The following CAMKV variants were observed in gnomAD, a reference collection of about 807,000 sequenced individuals.
CAMKV encodes the protein caM kinase-like vesicle-associated protein.
Under a neutral mutation model 50.2 loss-of-function variants are expected in CAMKV, and 5 were observed. The observed-to-expected ratio is 0.10, with a 90% CI of 0.05 to 0.21. CAMKV has a LOEUF of 0.21. Ranked by LOEUF, CAMKV falls within the 10% of genes least tolerant of loss-of-function variation. The pLI is 1.00. For synonymous variants in CAMKV, 229 were observed against 250.1 expected (o/e 0.92, Z 0.80); for missense variants, 361 against 650.5 (o/e 0.55, Z 4.84).
In CAMKV at chr3:49,860,167, T is replaced by C. The variant is rs1489779453; in HGVS notation, c.942+4A>G. The C allele has an allele frequency of 6.2e-7, 1 of 1,612,832 alleles. No homozygotes were observed. The highest frequency in any genetic ancestry group is 8.5e-7 in the Non-Finnish European group (1 of 1,178,956). ...AGCCAAGAAGGGAGTTATCCAAGCC[T>C]TACCTTCCACTTGGCCCTGGCAAAG... On this transcript the variant is annotated splice_donor_region_variant and intron_variant, in intron 10 of 10. Coordinates refer to ENST00000477224, the MANE Select transcript of CAMKV (RefSeq NM_024046.5). This position sits in a 1 kb window ranked among gnomAD's most constrained non-coding sequence, Gnocchi z 6.1.
At chr3:49,865,714 G>A (rs2082058790) in intron 1 of CAMKV, among the ~76,000 whole-genome samples, 1 of 152,138 alleles carries the variant, frequency 6.6e-6, no homozygotes, top group Non-Finnish European at 1.5e-5. Flanking sequence ...ACATTATAAG[G>A]TGGTTTGTGC....
rs2108329473 is a variant in CAMKV at position 49,861,374 on chromosome 3, G to A, written c.441+65C>T. 1 of 1,613,212 alleles carries A rather than the reference G, an allele frequency of 6.2e-7. No individual in the cohort carries two copies. On this transcript the variant is annotated intron_variant, in intron 5 of 10. Transcript: ENST00000477224. This position sits in a 1 kb window ranked among gnomAD's most constrained non-coding sequence, Gnocchi z 7.7. Reference sequence around the variant, plus strand: ...CTTGGAGGCTAGACCAAGGCCCTGAGGTGCTGCCCACCCCAGCACCAGCCC... The same window carrying A: ...CTTGGAGGCTAGACCAAGGCCCTGAAGTGCTGCCCACCCCAGCACCAGCCC...
rs1472827918 is a variant in CAMKV, at chr3:49,859,333, C to G, written c.1491G>C (p.Arg497Ser). The change falls in exon 11 of 11, where the codon AGG (arginine) becomes AGC (serine). Residue 497 changes from arginine to serine, a missense_variant. Around this residue, in one of 4 missense-constraint regions of CAMKV, gnomAD observed 75 missense variants for 84.2 expected, o/e 0.89. Coordinates refer to ENST00000477224, the MANE Select transcript of CAMKV (RefSeq NM_024046.5). The surrounding 1 kb of genome is among the most constrained non-coding windows in gnomAD (Gnocchi z 5.5). ...EAAGYAQESQ[R>S]EEAS is the part of the protein sequence containing the mutation. Reference sequence around the variant, plus strand: ...GGCTGCCTACTCAGCTGGCCTCCTCCCTTTGAGACTCCTGGGCATAACCAG... The same window carrying G: ...GGCTGCCTACTCAGCTGGCCTCCTCGCTTTGAGACTCCTGGGCATAACCAG... 1 of 1,532,016 alleles carries G rather than the reference C, an allele frequency of 6.5e-7. No homozygotes were observed. Among genetic ancestry groups the G allele is most frequent in the East Asian group, 2.3e-5 (1 of 44,228 alleles). 94.9% of individuals were successfully genotyped at this position (1,532,016 alleles called of 1,614,324 possible).
rs1210826360 is a variant in CAMKV, at chr3:49,858,045, G to A, written c.*1273C>T. 2 of 388,106 alleles carry A rather than the reference G, an allele frequency of 5.2e-6. No individual in the cohort carries two copies. The highest frequency in any genetic ancestry group is 4.5e-5 in the Admixed American group (1 of 22,336). 24.0% of individuals were successfully genotyped at this position (388,106 alleles called of 1,614,324 possible). On this transcript the variant is annotated 3_prime_UTR_variant, in exon 11 of 11. Transcript: ENST00000477224. ...TCAGTAGGCACACAGTTAACCCACCGACCTTCACACACCAGAGCAGACCCA... is the reference window on the plus strand; with the variant it reads ...TCAGTAGGCACACAGTTAACCCACCAACCTTCACACACCAGAGCAGACCCA...
Position 49,859,231 on chromosome 3 carries a change from C to A in CAMKV, c.*87G>T, listed in dbSNP as rs2081999992. 1 of 1,240,868 alleles carries A rather than the reference C, an allele frequency of 8.1e-7. No homozygotes were observed. The highest frequency in any genetic ancestry group is 1.1e-6 in the Non-Finnish European group (1 of 900,092). 76.9% of individuals were successfully genotyped at this position (1,240,868 alleles called of 1,614,324 possible). On this transcript the variant is annotated 3_prime_UTR_variant, in exon 11 of 11. Coordinates refer to ENST00000477224, the MANE Select transcript of CAMKV (RefSeq NM_024046.5). This position sits in a 1 kb window ranked among gnomAD's most constrained non-coding sequence, Gnocchi z 5.5. ...GGCATGGGGGAGCGAGGGCATCATGCCAGTGACTCTATGTACAGTGAGAAG... is the reference window on the plus strand; with the variant it reads ...GGCATGGGGGAGCGAGGGCATCATGACAGTGACTCTATGTACAGTGAGAAG...
chr3:49,864,952 C>A (rs1476418613), intron 1 of CAMKV, among the ~76,000 whole-genome samples: 1 of 152,218 alleles, frequency 6.6e-6, no homozygotes, highest in African/African-American at 2.4e-5. Flanking sequence ...AGAAGCCAGC[C>A]ACCAGGCTGT....
In CAMKV at chr3:49,862,064, C is replaced by G; in HGVS notation, c.208G>C (p.Glu70Gln). The change falls in exon 3 of 11, where the codon GAG (glutamate) becomes CAG (glutamine). Residue 70 changes from glutamate to glutamine, a missense_variant. Glu to Gln is a conservative substitution (Grantham distance 29). Coordinates refer to ENST00000477224, the MANE Select transcript of CAMKV (RefSeq NM_024046.5). This position sits in a 1 kb window ranked among gnomAD's most constrained non-coding sequence, Gnocchi z 5.2. ...GRKVRKAAKN[E>Q]IGILKMVKHP... Reference sequence around the variant, plus strand: ...ACTCACATCTTGAGGATGCCTATCTCGTTCTTGGCAGCTTTCCGCACCTTG... The same window carrying G: ...ACTCACATCTTGAGGATGCCTATCTGGTTCTTGGCAGCTTTCCGCACCTTG... 1 of 1,614,148 alleles carries G rather than the reference C, an allele frequency of 6.2e-7. No homozygotes were observed. The highest frequency in any genetic ancestry group is 8.5e-7 in the Non-Finnish European group (1 of 1,180,024).
rs534036323 is a variant in CAMKV, at chr3:49,868,150, G to C, written c.-15+1608C>G. 6.6e-5 allele frequency among the ~76,000 whole-genome samples: 10 copies of C among 152,234 alleles called. No homozygotes were observed. In the South Asian group the frequency reaches 2.1e-3, roughly 32 times the overall value. On this transcript the variant is annotated intron_variant, in intron 1 of 10. Transcript: ENST00000477224. The stretch of plus-strand genomic sequence containing the variant: ...CATCACGGCAGCTTAGGTAAAGCAG[G>C]TCCAACATGTTGAAGGCAGACGCAT...
In CAMKV at chr3:49,862,963, T is replaced by C. The variant is rs1477750380; in HGVS notation, c.-14-561A>G. On this transcript the variant is annotated intron_variant, in intron 1 of 10. Transcript: ENST00000477224. The surrounding 1 kb of genome is among the most constrained non-coding windows in gnomAD (Gnocchi z 5.2). ...TTCGTGCATCAGGACAGTCATACAATGCTCATAGTAGCCATATACATAATC... is the reference window on the plus strand; with the variant it reads ...TTCGTGCATCAGGACAGTCATACAACGCTCATAGTAGCCATATACATAATC... Among the ~76,000 whole-genome samples, 1 of 152,234 alleles carries C rather than the reference T, an allele frequency of 6.6e-6. No individual in the cohort carries two copies. Among genetic ancestry groups the C allele is most frequent in the African/African-American group, 2.4e-5 (1 of 41,458 alleles).
rs2108327729 is a variant in CAMKV at position 49,859,327 on chromosome 3, C to T, written c.1497G>A (p.Glu499=). 1 of 1,529,988 alleles carries T rather than the reference C, an allele frequency of 6.5e-7. No individual in the cohort carries two copies. Among genetic ancestry groups the T allele is most frequent in the Non-Finnish European group, 8.8e-7 (1 of 1,140,156 alleles). 94.8% of individuals were successfully genotyped at this position (1,529,988 alleles called of 1,614,324 possible). ...TCACCAGGCTGCCTACTCAGCTGGC[C>T]TCCTCCCTTTGAGACTCCTGGGCAT... ...AGYAQESQRE[E]AS is the part of the protein sequence containing the mutation. Residue 499 remains glutamate, a synonymous_variant, in exon 11 of 11, where the codon GAG becomes GAA. Transcript: ENST00000477224. The surrounding 1 kb of genome is among the most constrained non-coding windows in gnomAD (Gnocchi z 5.5).
At chr3:49,866,099 ACTC>A (rs59752228) in intron 1 of CAMKV, among the ~76,000 whole-genome samples, 2 of 150,506 alleles carry the variant, frequency 1.3e-5, no homozygotes, top group Non-Finnish European at 3.0e-5. Context: ...TCAGCCAGTC[ACTC>A]CTCCTCCTCC....
chr3:49,862,264 C>T lies in CAMKV; in HGVS notation c.95+30G>A. 1 of 1,614,168 alleles carries T rather than the reference C, an allele frequency of 6.2e-7. No homozygotes were observed. The highest frequency in any genetic ancestry group is 8.5e-7 in the Non-Finnish European group (1 of 1,180,018). On this transcript the variant is annotated intron_variant, in intron 2 of 10. Transcript: ENST00000477224. This position sits in a 1 kb window ranked among gnomAD's most constrained non-coding sequence, Gnocchi z 5.2. ...CCCTAGCCCCTGCTCACCAGCCCAC[C>T]CAGCCTTGCCTGACAGGCCCGGCAC...
Position 49,861,150 on chromosome 3 carries a change from C to T in CAMKV, c.562+30G>A. ...CTCCCTGAAGGCTGCCCCCCATTAT[C>T]CCCCTGCCCCTGCCCCACCCCCTGC... On this transcript the variant is annotated intron_variant, in intron 6 of 10. Coordinates refer to ENST00000477224, the MANE Select transcript of CAMKV (RefSeq NM_024046.5). The surrounding 1 kb of genome is among the most constrained non-coding windows in gnomAD (Gnocchi z 7.7). The T allele has an allele frequency of 6.4e-7, 1 of 1,565,272 alleles. No homozygotes were observed. The highest frequency in any genetic ancestry group is 1.1e-5 in the South Asian group (1 of 87,360).
In CAMKV at chr3:49,860,586, C is replaced by T; in HGVS notation, c.776-37G>A. Reference sequence around the variant, plus strand: ...ACCAAGAAGGGGATAGTCATGGGCACCCCATCTCAATGTCTAGAGGTGATA... The same window carrying T: ...ACCAAGAAGGGGATAGTCATGGGCATCCCATCTCAATGTCTAGAGGTGATA... On this transcript the variant is annotated intron_variant, in intron 8 of 10. Coordinates refer to ENST00000477224, the MANE Select transcript of CAMKV (RefSeq NM_024046.5). The surrounding 1 kb of genome is among the most constrained non-coding windows in gnomAD (Gnocchi z 6.1). The T allele has an allele frequency of 6.2e-7, 1 of 1,610,898 alleles. No homozygotes were observed. The highest frequency in any genetic ancestry group is 8.5e-7 in the Non-Finnish European group (1 of 1,177,804).
chr3:49,860,132 C>G lies in CAMKV; in HGVS notation c.942+39G>C, dbSNP rs747246223. 1.9e-6 allele frequency: 3 copies of G among 1,564,202 alleles called. No individual in the cohort carries two copies. The highest frequency in any genetic ancestry group is 2.2e-5 in the East Asian group (1 of 44,668). On this transcript the variant is annotated intron_variant, in intron 10 of 10. Coordinates refer to ENST00000477224, the MANE Select transcript of CAMKV (RefSeq NM_024046.5). The surrounding 1 kb of genome is among the most constrained non-coding windows in gnomAD (Gnocchi z 6.1). ...AAGAAACTGAGTGCCAGAAGCAATA[C>G]TTGGGATAGAGCCAAGAAGGGAGTT...
At position 49,861,394 on chromosome 3, in the gene CAMKV, C is replaced by T. The variant is rs755748721; in HGVS notation, c.441+45G>A. On this transcript the variant is annotated intron_variant, in intron 5 of 10. Coordinates refer to ENST00000477224, the MANE Select transcript of CAMKV (RefSeq NM_024046.5). The surrounding 1 kb of genome is among the most constrained non-coding windows in gnomAD (Gnocchi z 7.7). The stretch of plus-strand genomic sequence containing the variant: ...CCTGAGGTGCTGCCCACCCCAGCAC[C>T]AGCCCAGCTGCCAACTGGCCCTTTG... 2.5e-6 allele frequency: 4 copies of T among 1,613,292 alleles called. No homozygotes were observed. The highest frequency in any genetic ancestry group is 3.4e-6 in the Non-Finnish European group (4 of 1,179,608).
Position 49,859,269 on chromosome 3 carries a change from T to C in CAMKV, c.*49A>G. The C allele has an allele frequency of 6.9e-7, 1 of 1,455,808 alleles. No homozygotes were observed. The highest frequency in any genetic ancestry group is 1.4e-5 in the South Asian group (1 of 73,784). The allele number at this position is 1,455,808 out of a possible 1,614,324, so 90.2% of individuals were successfully genotyped here. A position where few individuals can be genotyped will look rare whatever the true frequency, so the allele number is the denominator to read the frequency against. On this transcript the variant is annotated 3_prime_UTR_variant, in exon 11 of 11. Coordinates refer to ENST00000477224, the MANE Select transcript of CAMKV (RefSeq NM_024046.5). The surrounding 1 kb of genome is among the most constrained non-coding windows in gnomAD (Gnocchi z 5.5). Reference sequence around the variant, plus strand: ...GTACAGTGAGAAGCCCCTCATCCACTCTCCCACCCTCCTGCCCATCCCCTG... The same window carrying C: ...GTACAGTGAGAAGCCCCTCATCCACCCTCCCACCCTCCTGCCCATCCCCTG...
Position 49,861,288 on chromosome 3 carries a change from C to G in CAMKV, c.454G>C (p.Val152Leu), listed in dbSNP as rs1261033358. Residue 152 changes from valine to leucine, a missense_variant, in exon 6 of 11, where the codon GTT becomes CTT. Val to Leu is a conservative substitution (Grantham distance 32, BLOSUM62 1). Transcript: ENST00000477224. This position sits in a 1 kb window ranked among gnomAD's most constrained non-coding sequence, Gnocchi z 7.7. Reference protein sequence around the residue: ...VHRNLKLENLVYYNRLKNSKI... With the variant: ...VHRNLKLENLLYYNRLKNSKI... ...GAGTTCTTCAGCCGGTTGTAGTAAA[C>G]CAGGTTCTCCAGCTGTGGTGTGAGA... 6.2e-7 allele frequency: 1 copy of G among 1,613,988 alleles called. No homozygotes were observed. Among genetic ancestry groups the G allele is most frequent in the African/African-American group, 1.3e-5 (1 of 74,914 alleles).
At chr3:49,867,151 A>G (rs2082071410) in intron 1 of CAMKV, among the ~76,000 whole-genome samples, 1 of 152,226 alleles carries the variant, frequency 6.6e-6, no homozygotes, top group South Asian at 2.1e-4. Flanking sequence ...CTGAAGCCCA[A>G]GCCCTGCTTA....
Sources: allele counts gnomAD v4.1 joint callset (sites outside exome capture counted in the v4.1 genomes callset), GRCh38; gene constraint gnomAD v4.1.1; regional missense constraint gnomAD v4.1.1; non-coding constraint Gnocchi (gnomAD v3.1); transcripts MANE v1.5; gene names NCBI Gene and HGNC (gene_info 2026-07-23, HGNC 2026-07-21).